The following ROBO2 variants were observed in gnomAD, a reference collection of about 807,000 sequenced individuals.
ROBO2 encodes roundabout guidance receptor 2.
A neutral mutation model predicts 160.8 loss-of-function variants in ROBO2; 53 were observed. The ratio of observed to expected loss-of-function variants is 0.33; its 90% CI spans 0.26 to 0.41. The LOEUF is 0.41. Ranked by LOEUF, ROBO2 falls within the 10% of genes least tolerant of loss-of-function variation. The probability of loss-of-function intolerance (pLI) is 1.00; values close to 1 mark genes in which losing one functional copy is unlikely to be tolerated. For synonymous variants in ROBO2, 664 were observed against 611.7 expected (o/e 1.09, Z -1.26); for missense variants, 1,577 against 1,722.4 (o/e 0.92, Z 1.49).
intron 2 of ROBO2, among the ~76,000 whole-genome samples, chr3:77,334,584 A>G (rs1036392970): frequency 6.6e-6 from 1 of 152,174 alleles, no homozygotes. Context: ...TCTGACATAC[A>G]CAGGTACTTC....
intron 2 of ROBO2, among the ~76,000 whole-genome samples, chr3:76,099,895 T>G (rs113395590): frequency 6.6e-6 from 1 of 152,166 alleles, no homozygotes; most frequent in Admixed American, 6.5e-5. Flanking sequence ...ATTCTCCACT[T>G]GATATATTGG....
At chr3:76,669,272 T>C (rs2092171460) in intron 2 of ROBO2, among the ~76,000 whole-genome samples, 1 of 152,146 alleles carries the variant, frequency 6.6e-6, no homozygotes, top group African/African-American at 2.4e-5. Context: ...AAAATGCTTC[T>C]CGTAACTCTG....
At chr3:76,809,730 G>A (rs1431669387) in intron 2 of ROBO2, among the ~76,000 whole-genome samples, 1 of 151,802 alleles carries the variant, frequency 6.6e-6, no homozygotes, top group Non-Finnish European at 1.5e-5. Context: ...TCATATTTCT[G>A]ATTTTAAAAA....
At chr3:76,990,054 A>G (rs1053207596) in intron 2 of ROBO2, among the ~76,000 whole-genome samples, 8 of 150,068 alleles carry the variant, frequency 5.3e-5, no homozygotes, top group African/African-American at 2.0e-4. Flanking sequence ...AACTCCAGTA[A>G]CTTGTATTAT....
rs62802963 is a variant in ROBO2, at chr3:76,406,997, G to GTTT, written c.109+469409_109+469411dup. 6.5e-5 allele frequency among the ~76,000 whole-genome samples: 8 copies of GTTT among 123,368 alleles called. No individual in the cohort carries two copies. The South Asian group carries it at 1.6e-3, about 24-fold the overall frequency. The allele number at this position is 123,368 out of a possible 152,430, so 80.9% of individuals were successfully genotyped here. ...TAAACTGGCCAGACCACCCTGAGTTGTTTTTTTTTTTTTTTTCATTTATTT... is the reference window on the plus strand; with the variant it reads ...TAAACTGGCCAGACCACCCTGAGTTGTTTTTTTTTTTTTTTTTTTCATTTATTT... On this transcript the variant is annotated intron_variant, in intron 2 of 26. Coordinates refer to the ROBO2 transcript ENST00000487694.
At chr3:77,039,283 T>TCCTTC (rs1322899528), upstream of ROBO2, among the ~76,000 whole-genome samples, 1 of 152,184 alleles carries the variant, frequency 6.6e-6, no homozygotes, top group African/African-American at 2.4e-5. Context: ...TCCTTTCCTT[T>TCCTTC]CCTTCCTCCT....
At chr3:77,633,822 T>G (rs546859412) in intron 23 of ROBO2, 4 of 152,348 alleles carry the variant, frequency 2.6e-5, no homozygotes, top group African/African-American at 9.6e-5. Context: ...TGAAACTTTA[T>G]GTTGCTTGAG....
At position 76,833,998 on chromosome 3, in the gene ROBO2, C is replaced by CTTCT. The variant is rs1553651088; in HGVS notation, c.110-264004_110-264001dup. Among the ~76,000 whole-genome samples the CTTCT allele has an allele frequency of 1.0e-4, 2 of 19,428 alleles. 1 individual carries two copies. 12.7% of individuals were successfully genotyped at this position (19,428 alleles called of 152,430 possible). On this transcript the variant is annotated intron_variant, in intron 2 of 26. Transcript: ENST00000487694. ...TTTCTTTTCTTTCTTTCTTTCTTTC[C>CTTCT]TTCTTTCTTTCTTTCCTTTCTTTCT...
chr3:77,172,208 C>G (rs1332134749), intron 2 of ROBO2, among the ~76,000 whole-genome samples: 1 of 152,046 alleles, frequency 6.6e-6, no homozygotes, highest in Non-Finnish European at 1.5e-5. Context: ...AGTTTCCCAC[C>G]AAAATATGGA....
upstream of ROBO2, among the ~76,000 whole-genome samples, chr3:77,037,491 A>G (rs568005026): frequency 3.3e-5 from 5 of 152,212 alleles, no homozygotes; most frequent in Admixed American, 6.5e-5. Flanking sequence ...AAAAATGCCA[A>G]TATAACCAAA....
chr3:77,319,404 A>T (rs1449500795), intron 2 of ROBO2, among the ~76,000 whole-genome samples: 1 of 152,186 alleles, frequency 6.6e-6, no homozygotes, highest in Non-Finnish European at 1.5e-5. Context: ...GTAAGATTAG[A>T]ATTTGTCTTT....
chr3:75,933,281 T>C (rs564864840), intron 1 of ROBO2, among the ~76,000 whole-genome samples: 1 of 152,326 alleles, frequency 6.6e-6, no homozygotes, highest in East Asian at 1.9e-4. Context: ...TGTAATATGC[T>C]AAGAAGAGGA....
intron 2 of ROBO2, among the ~76,000 whole-genome samples, chr3:76,367,685 G>GA (rs71101888): frequency 2.6e-5 from 4 of 151,378 alleles, no homozygotes; most frequent in South Asian, 2.1e-4. Context: ...ATTTCCATGA[G>GA]AAAAAAAATG....
chr3:76,310,290 A>G (rs1276684073), intron 2 of ROBO2, among the ~76,000 whole-genome samples: 2 of 152,234 alleles, frequency 1.3e-5, no homozygotes, highest in Admixed American at 6.5e-5. Flanking sequence ...ATGGTGATGT[A>G]CACAAACAAA....
At chr3:76,982,255 G>A (rs957478019) in intron 2 of ROBO2, among the ~76,000 whole-genome samples, 3 of 152,044 alleles carry the variant, frequency 2.0e-5, no homozygotes, top group African/African-American at 7.2e-5. Context: ...TTTTTATATG[G>A]TATGAGTTAA....
At chr3:76,606,718 T>C (rs1359893508) in intron 2 of ROBO2, among the ~76,000 whole-genome samples, 2 of 151,872 alleles carry the variant, frequency 1.3e-5, no homozygotes, top group Non-Finnish European at 2.9e-5. Context: ...TTTTAGTTTG[T>C]AAAAGAAAAA....
intron 2 of ROBO2, among the ~76,000 whole-genome samples, chr3:76,889,712 A>C (rs1429544729): frequency 6.6e-6 from 1 of 152,216 alleles, no homozygotes; most frequent in Non-Finnish European, 1.5e-5. Flanking sequence ...ATAGTAACAG[A>C]TGTTTATGTA....
intron 2 of ROBO2, among the ~76,000 whole-genome samples, chr3:76,213,607 C>A (rs1021873446): frequency 6.6e-6 from 1 of 152,000 alleles, no homozygotes; most frequent in African/African-American, 2.4e-5. Context: ...TAAGAGATTT[C>A]TTTAATTTAT....
intron 2 of ROBO2, among the ~76,000 whole-genome samples, chr3:76,967,393 A>G (rs61297557): frequency 0.031 from 4,728 of 150,620 alleles, 223 homozygotes; most frequent in African/African-American, 0.11. Flanking sequence ...CTTGGTAGAG[A>G]TGGAGTTTCC....
Sources: gnomAD v4.1 joint callset for allele counts (sites outside exome capture counted in the v4.1 genomes callset) on GRCh38, gnomAD v4.1.1 for gene constraint, MANE v1.5 for transcripts, NCBI Gene and HGNC (gene_info 2026-07-23, HGNC 2026-07-21) for gene names.